DNAAF9: variants seen among roughly 807,000 people sequenced by gnomAD.
The protein encoded by DNAAF9 is dynein axonemal assembly factor 9.
In DNAAF9, 90 loss-of-function variants were observed where a neutral mutation model predicts 167.0. The ratio of observed to expected loss-of-function variants is 0.54; its 90% CI spans 0.45 to 0.64. The LOEUF is 0.64. DNAAF9 is among the 30% of genes least tolerant of loss of function. The pLI is 0.00. For missense variants in DNAAF9, 1,315 were observed against 1,442.2 expected (o/e 0.91, Z 1.43); for synonymous variants, 491 against 508.8 (o/e 0.96, Z 0.47).
chr20:3,259,535 C>T lies in DNAAF9; in HGVS notation c.3000G>A (p.Lys1000=), dbSNP rs919684083. 152 of 1,612,212 alleles carry T rather than the reference C, an allele frequency of 9.4e-5. No individual in the cohort carries two copies. Among genetic ancestry groups the T allele is most frequent in the Non-Finnish European group, 1.3e-4 (148 of 1,178,384 alleles). Residue 1000 remains lysine (K), a synonymous_variant, in exon 33 of 37, where the codon AAG becomes AAA. Transcript: ENST00000252032. ...AKCKAIQSSI[K]PSPFSGNIYH... ...AGATGTTTCCGGAGAAGGGACTTGG[C>T]TTGATGGAGGACTGAATTGCTGGTG...
intron 31 of DNAAF9, among the ~76,000 whole-genome samples, chr20:3,261,378 TA>T (rs1245079550): frequency 2.0e-5 from 3 of 151,798 alleles, no homozygotes; most frequent in Non-Finnish European, 2.9e-5. Flanking sequence ...AATTTTATTT[TA>T]TTTTTTTGAG....
intron 10 of DNAAF9, among the ~76,000 whole-genome samples, chr20:3,333,727 A>G (rs6139079): frequency 0.18 from 26,704 of 151,912 alleles, 2,542 homozygotes; most frequent in Non-Finnish European, 0.19. Flanking sequence ...CTATGAATTG[A>G]GTTAAAGTCA....
chr20:3,407,396 T>TGCG, intron 1 of DNAAF9, 79 bp downstream of exon 1: 1 of 1,142,712 alleles, frequency 8.8e-7, no homozygotes, highest in Non-Finnish European at 1.1e-6. Context: ...GACCACGCCC[T>TGCG]GCGGCGGGAG....
chr20:3,290,858 A>G (rs1229125658), intron 25 of DNAAF9, among the ~76,000 whole-genome samples: 1 of 146,418 alleles, frequency 6.8e-6, no homozygotes, highest in African/African-American at 2.5e-5. Flanking sequence ...GTGTGATCTC[A>G]GCTCACTACA....
intron 8 of DNAAF9, among the ~76,000 whole-genome samples, chr20:3,346,847 A>G (rs1393120378): frequency 6.6e-6 from 1 of 152,172 alleles, no homozygotes; most frequent in Non-Finnish European, 1.5e-5. Context: ...GAACTCCCCA[A>G]ACTGAAAAGG....
chr20:3,316,024 C>CA, intron 18 of DNAAF9: 1 of 563,918 alleles, frequency 1.8e-6, no homozygotes, highest in Non-Finnish European at 3.2e-6. Context: ...GAGCTTATGA[C>CA]AAGCAGAGGG....
chr20:3,258,389 G>A (rs2068320018), intron 33 of DNAAF9, among the ~76,000 whole-genome samples: 1 of 152,160 alleles, frequency 6.6e-6, no homozygotes, highest in Admixed American at 6.5e-5. Flanking sequence ...TATGCTTGGA[G>A]CCCTCAGTGG....
intron 6 of DNAAF9, among the ~76,000 whole-genome samples, chr20:3,363,058 GTCTCTACTAATAATACAA>G: frequency 6.6e-6 from 1 of 152,096 alleles, no homozygotes; most frequent in South Asian, 2.1e-4. Context: ...GTGAAAGCCC[GTCTCTACTAATAATACAA>G]AAACTAGCCA....
intron 30 of DNAAF9, among the ~76,000 whole-genome samples, chr20:3,265,437 C>T (rs1443652114): frequency 1.3e-5 from 2 of 151,174 alleles, no homozygotes; most frequent in Non-Finnish European, 2.9e-5. Flanking sequence ...CGTGGTGGCA[C>T]GCGCCTGTAG....
intron 25 of DNAAF9, among the ~76,000 whole-genome samples, chr20:3,291,573 G>C (rs2068954741): frequency 6.6e-6 from 1 of 151,612 alleles, no homozygotes; most frequent in Non-Finnish European, 1.5e-5. Flanking sequence ...TCAATCTCTT[G>C]ACCTCGTGAT....
Position 3,264,502 on chromosome 20 carries a change from G to T in DNAAF9, c.2809C>A (p.Leu937Ile). 1 of 1,542,356 alleles carries T rather than the reference G, an allele frequency of 6.5e-7. No individual in the cohort carries two copies. The highest frequency in any genetic ancestry group is 9.0e-7 in the Non-Finnish European group (1 of 1,114,614). Residue 937 changes from leucine to isoleucine, a missense_variant, in exon 31 of 37, where the codon CTC (leucine) becomes ATC (isoleucine). Around this residue, in one of 2 missense-constraint regions of DNAAF9, gnomAD observed 334 missense variants for 429.7 expected, o/e 0.78. Coordinates refer to ENST00000252032, the MANE Select transcript of DNAAF9 (RefSeq NM_001009984.3). ...VTRNEDIELI[L>I]SENSFSSPEM... ...GGACTTGAAAAACTGTTTTCTGAGA[G>T]AATCAGCTCAATGTCTTCATTCCTT... is the stretch of plus-strand genomic sequence containing the variant.
chr20:3,313,535 G>A (rs6051732), intron 20 of DNAAF9, among the ~76,000 whole-genome samples: 29,334 of 152,106 alleles, frequency 0.19, 3,065 homozygotes, highest in African/African-American at 0.24. Context: ...CTCACATAAA[G>A]GCTATATTCA....
chr20:3,272,513 G>A (rs1433726002), intron 29 of DNAAF9, among the ~76,000 whole-genome samples: 2 of 152,130 alleles, frequency 1.3e-5, no homozygotes, highest in African/African-American at 4.8e-5. Flanking sequence ...ACGGGCGTGA[G>A]CCACGGCACC....
At chr20:3,329,410 C>T (rs1337708969) in intron 12 of DNAAF9, among the ~76,000 whole-genome samples, 7 of 152,158 alleles carry the variant, frequency 4.6e-5, no homozygotes, top group Admixed American at 3.9e-4. Flanking sequence ...CTGCCTGCCT[C>T]GGCCCCCCAG....
chr20:3,296,977 A>C (rs1760432067), intron 22 of DNAAF9, 28 bp from the exon 23 acceptor site: 1 of 1,353,114 alleles, frequency 7.4e-7, no homozygotes, highest in South Asian at 1.2e-5. Flanking sequence ...TGAGCAAAGA[A>C]CACTTTAAAC....
At chr20:3,345,206 CA>C (rs1355172473) in intron 8 of DNAAF9, among the ~76,000 whole-genome samples, 1 of 152,094 alleles carries the variant, frequency 6.6e-6, no homozygotes, top group African/African-American at 2.4e-5. Context: ...TTAGTAGAGA[CA>C]GGGTTTCACT....
intron 10 of DNAAF9, among the ~76,000 whole-genome samples, chr20:3,333,935 A>T (rs1246282333): frequency 3.9e-5 from 6 of 152,214 alleles, no homozygotes; most frequent in African/African-American, 1.4e-4. Context: ...TAAAATAAGT[A>T]ACTGTCTAAA....
intron 20 of DNAAF9, among the ~76,000 whole-genome samples, chr20:3,310,851 T>C (rs946035748): frequency 1.3e-5 from 2 of 152,052 alleles, no homozygotes; most frequent in African/African-American, 2.4e-5. Flanking sequence ...ATCCTAATAA[T>C]AACAGCACTG....
intron 4 of DNAAF9, among the ~76,000 whole-genome samples, chr20:3,375,780 C>G (rs2083567428): frequency 6.6e-6 from 1 of 151,420 alleles, no homozygotes; most frequent in African/African-American, 2.4e-5. Context: ...CCTGGGAGGT[C>G]GAGGTTGCAG....
Sources: allele counts gnomAD v4.1 joint callset (sites outside exome capture counted in the v4.1 genomes callset), GRCh38; gene constraint gnomAD v4.1.1; regional missense constraint gnomAD v4.1.1; transcripts MANE v1.5; gene names NCBI Gene and HGNC (gene_info 2026-07-23, HGNC 2026-07-21).